Variants in NAALADL2 observed in about 807,000 individuals in gnomAD.
The protein encoded by NAALADL2 is N-acetylated alpha-linked acidic dipeptidase like 2.
In NAALADL2, 76 loss-of-function variants were observed where a neutral mutation model predicts 87.2. That is an observed-to-expected ratio of 0.87 (90% confidence interval 0.72 to 1.05). The LOEUF is 1.05. Among genes scored for constraint, NAALADL2 ranks in the 50% least tolerant of loss-of-function variants. NAALADL2 has a pLI of 0.00. For missense variants in NAALADL2, 1,089 were observed against 945.8 expected (o/e 1.15, Z -1.99); for synonymous variants, 354 against 331.0 (o/e 1.07, Z -0.75).
intron 5 of NAALADL2, among the ~76,000 whole-genome samples, chr3:175,350,063 A>AAG (rs1264592588): frequency 6.6e-6 from 1 of 151,662 alleles, no homozygotes; most frequent in Non-Finnish European, 1.5e-5. Context: ...TTGAAAAAAA[A>AAG]AAAAAGGATA....
intron 6 of NAALADL2, among the ~76,000 whole-genome samples, chr3:175,448,722 T>C (rs896167663): frequency 2.6e-5 from 4 of 152,172 alleles, no homozygotes; most frequent in Non-Finnish European, 5.9e-5. Flanking sequence ...TGTTATATAT[T>C]TTTTGAGACA....
chr3:175,536,959 G>A (rs1734907119), intron 9 of NAALADL2, among the ~76,000 whole-genome samples: 1 of 152,114 alleles, frequency 6.6e-6, no homozygotes, highest in Non-Finnish European at 1.5e-5. Context: ...TCCAGCCTGA[G>A]CGACAGAAAG....
At chr3:175,801,412 T>C (rs1281946543) in intron 13 of NAALADL2, among the ~76,000 whole-genome samples, 2 of 152,144 alleles carry the variant, frequency 1.3e-5, no homozygotes, top group African/African-American at 4.8e-5. Flanking sequence ...TTGCCCAGTC[T>C]GGCCCTATAC....
intron 13 of NAALADL2, among the ~76,000 whole-genome samples, chr3:175,788,088 G>GTTTTTTTTTTTTTTTTTTTTTTTTTTTT (rs1004422588): frequency 1.9e-5 from 2 of 104,260 alleles, no homozygotes. Context: ...TTTTTTACCT[G>GTTTTTTTTTTTTTTTTTTTTTTTTTTTT]TTTTTTTTTT....
At chr3:175,238,940 G>A (rs1033815980) in intron 3 of NAALADL2, among the ~76,000 whole-genome samples, 1 of 152,160 alleles carries the variant, frequency 6.6e-6, no homozygotes, top group Admixed American at 6.6e-5. Flanking sequence ...TTTTGACAAG[G>A]TTATTTGCAG....
chr3:175,198,849 A>G (rs1739388978), intron 2 of NAALADL2, among the ~76,000 whole-genome samples: 1 of 151,862 alleles, frequency 6.6e-6, no homozygotes, highest in African/African-American at 2.4e-5. Flanking sequence ...TTTATGTAAA[A>G]TAAATACAGT....
intron 11 of NAALADL2, among the ~76,000 whole-genome samples, chr3:175,658,695 A>G (rs898592687): frequency 1.3e-4 from 20 of 152,174 alleles, no homozygotes; most frequent in Non-Finnish European, 2.4e-4. Flanking sequence ...ATGTATATGT[A>G]TGTATGGCCA....
At chr3:175,241,283 C>T (rs1746828552) in intron 3 of NAALADL2, among the ~76,000 whole-genome samples, 1 of 152,036 alleles carries the variant, frequency 6.6e-6, no homozygotes, top group East Asian at 1.9e-4. Flanking sequence ...TGCAGTGGTG[C>T]AACCTCGGCT....
chr3:175,718,559 A>G (rs1741727805), intron 11 of NAALADL2: 6 of 1,592,608 alleles, frequency 3.8e-6, no homozygotes, highest in Middle Eastern at 1.7e-4. Flanking sequence ...GTCATCTTCT[A>G]GATCCCAGCT....
At chr3:175,783,028 T>C (rs1751381784) in intron 13 of NAALADL2, among the ~76,000 whole-genome samples, 1 of 150,074 alleles carries the variant, frequency 6.7e-6, no homozygotes, top group Non-Finnish European at 1.5e-5. Context: ...ATATGCAGCA[T>C]TATTTCTGAG....
rs149427035 is a variant in NAALADL2 at position 174,700,752 on chromosome 3, G to T, written c.-114-36889G>T. On this transcript the variant is annotated intron_variant, in intron 2 of 3. Coordinates refer to the NAALADL2 transcript ENST00000434257. ...AAATAGGACAAATTTAGAAATCAGG[G>T]CAATGAAGGAAATAAAACTGATTTA... Among the ~76,000 whole-genome samples the T allele has an allele frequency of 1.4e-3, 208 of 152,174 alleles. 1 individual carries two copies. The highest frequency in any genetic ancestry group is 4.8e-3 in the African/African-American group (198 of 41,536).
intron 1 of NAALADL2, among the ~76,000 whole-genome samples, chr3:174,448,306 C>T (rs559523743): frequency 9.9e-4 from 151 of 152,282 alleles, no homozygotes; most frequent in Admixed American, 2.8e-3. Flanking sequence ...CATTTCATCT[C>T]ATATGTAGAT....
intron 9 of NAALADL2, among the ~76,000 whole-genome samples, chr3:175,551,622 G>T (rs563208735): frequency 6.6e-6 from 1 of 152,116 alleles, no homozygotes; most frequent in South Asian, 2.1e-4. Flanking sequence ...AAGAGGGGCC[G>T]GGCGCGGTGA....
chr3:175,599,088 CAT>C (rs1055517196), intron 10 of NAALADL2, among the ~76,000 whole-genome samples: 4 of 152,080 alleles, frequency 2.6e-5, no homozygotes, highest in African/African-American at 9.7e-5. Context: ...GTGGCAATAA[CAT>C]ATTAGCAAAC....
intron 5 of NAALADL2, among the ~76,000 whole-genome samples, chr3:175,373,416 G>A (rs1419254368): frequency 6.6e-6 from 1 of 151,668 alleles, no homozygotes; most frequent in Non-Finnish European, 1.5e-5. Flanking sequence ...GACATATGTA[G>A]TAATATGTCC....
At chr3:174,896,730 CA>C (rs772753251) in intron 1 of NAALADL2, among the ~76,000 whole-genome samples, 153 of 151,932 alleles carry the variant, frequency 1.0e-3, no homozygotes, top group Middle Eastern at 3.2e-3. Context: ...CTCTCTTAAG[CA>C]AAAATAACGA....
chr3:175,781,503 TTGA>T (rs758228284), intron 13 of NAALADL2, among the ~76,000 whole-genome samples: 203 of 152,166 alleles, frequency 1.3e-3, no homozygotes, highest in Non-Finnish European at 2.1e-3. Context: ...TACTTGATGA[TTGA>T]TAATAAATGA....
At chr3:175,003,367 A>C (rs996434517) in intron 1 of NAALADL2, among the ~76,000 whole-genome samples, 1 of 152,208 alleles carries the variant, frequency 6.6e-6, no homozygotes, top group Non-Finnish European at 1.5e-5. Flanking sequence ...AAAACAACAA[A>C]AAAGTAAATA....
intron 1 of NAALADL2, among the ~76,000 whole-genome samples, chr3:175,007,398 C>T (rs1266891543): frequency 6.6e-6 from 1 of 152,088 alleles, no homozygotes; most frequent in Non-Finnish European, 1.5e-5. Flanking sequence ...GAAGGAAGAA[C>T]AACCACATGG....
Sources: allele counts gnomAD v4.1 joint callset (sites outside exome capture counted in the v4.1 genomes callset), GRCh38; gene constraint gnomAD v4.1.1; transcripts MANE v1.5; gene names NCBI Gene and HGNC (gene_info 2026-07-23, HGNC 2026-07-21).